Variants in GRIN2A observed in about 807,000 individuals in gnomAD.
GRIN2A encodes glutamate ionotropic receptor NMDA type subunit 2A.
GRIN2A carries 22 observed loss-of-function variants against 113.4 expected under a neutral mutation model. The ratio of observed to expected loss-of-function variants is 0.19; its 90% confidence interval spans 0.14 to 0.28. GRIN2A has a LOEUF of 0.28. Ranked by LOEUF, GRIN2A falls within the 10% of genes least tolerant of loss-of-function variation. GRIN2A has a pLI of 1.00. For missense variants in GRIN2A, 1,502 were observed against 1,887.0 expected (o/e 0.80, Z 3.78); for synonymous variants, 827 against 738.4 (o/e 1.12, Z -1.94).
chr16:10,167,640 C>T (rs1215755458), intron 2 of GRIN2A, among the ~76,000 whole-genome samples: 5 of 152,276 alleles, frequency 3.3e-5, no homozygotes, highest in East Asian at 1.9e-4. Context: ...CGAAGATCTA[C>T]GATGCATTAA....
intron 2 of GRIN2A, among the ~76,000 whole-genome samples, chr16:10,064,830 T>C (rs2047616139): frequency 6.6e-6 from 1 of 152,194 alleles, no homozygotes; most frequent in Non-Finnish European, 1.5e-5. Context: ...GAAATCTCCA[T>C]TGTTTCAGGG....
rs543126341 is a variant in GRIN2A at position 10,115,680 on chromosome 16, G to A, written c.414+64318C>T. 3.9e-5 allele frequency among the ~76,000 whole-genome samples: 6 copies of A among 152,290 alleles called. No homozygotes were observed. In the South Asian group the frequency reaches 1.0e-3, roughly 26 times the overall value. ...ATTCCTGAGACCCAACTTGGCTTCC[G>A]CAACTGTATTCTCAAGCTGAAAACA... is the stretch of plus-strand genomic sequence containing the variant. On this transcript the variant is annotated intron_variant, in intron 2 of 12. Transcript: ENST00000330684.
chr16:9,821,760 G>C (rs1396095478), intron 10 of GRIN2A, among the ~76,000 whole-genome samples: 2 of 152,164 alleles, frequency 1.3e-5, no homozygotes, highest in African/African-American at 4.8e-5. Context: ...AACAGACAGA[G>C]AGGAATGCTA....
At chr16:9,950,798 C>G (rs1332649044) in intron 2 of GRIN2A, among the ~76,000 whole-genome samples, 1 of 152,158 alleles carries the variant, frequency 6.6e-6, no homozygotes, top group Non-Finnish European at 1.5e-5. Context: ...GCCTCCGTGT[C>G]CTAGGCTGTA....
intron 2 of GRIN2A, among the ~76,000 whole-genome samples, chr16:10,047,974 A>AC (rs1208820284): frequency 2.0e-5 from 3 of 152,014 alleles, no homozygotes; most frequent in East Asian, 3.9e-4. Context: ...CCTGCCTGTG[A>AC]CCCCCCTACA....
In GRIN2A at chr16:9,763,205, A is replaced by G. The variant is rs762028580; in HGVS notation, c.4339T>C (p.Ser1447Pro). Residue 1447 changes from serine (S) to proline (P), a missense_variant, in exon 13 of 13, where the codon TCC becomes CCC. Coordinates refer to ENST00000330684, the MANE Select transcript of GRIN2A (RefSeq NM_001134407.3). The stretch of plus-strand genomic sequence containing the variant: ...TTGTACACGCGTCTATTGCTGCAGG[A>G]ATTTAAAACCCTGGGGGTAGAGTAC... ...NMYSTPRVLN[S>P]CSNRRVYKKM... 2 of 1,613,980 alleles carry G rather than the reference A, an allele frequency of 1.2e-6. No homozygotes were observed.
intron 2 of GRIN2A, among the ~76,000 whole-genome samples, chr16:10,001,338 C>A (rs916881580): frequency 5.9e-5 from 9 of 152,168 alleles, no homozygotes; most frequent in African/African-American, 1.9e-4. Context: ...AGGTAGGATT[C>A]ACCTGGTTGC....
intron 3 of GRIN2A, among the ~76,000 whole-genome samples, chr16:9,903,803 A>T (rs2043979933): frequency 6.6e-6 from 1 of 152,206 alleles, no homozygotes; most frequent in African/African-American, 2.4e-5. Context: ...TTAAAAAGAC[A>T]CCTCTTTCTG....
intron 2 of GRIN2A, among the ~76,000 whole-genome samples, chr16:10,039,472 A>G (rs2047100934): frequency 6.6e-6 from 1 of 152,042 alleles, no homozygotes; most frequent in Non-Finnish European, 1.5e-5. Context: ...TGTTTGTTTG[A>G]AAATCGAGAC....
At position 10,079,578 on chromosome 16, in the gene GRIN2A, G is replaced by T. The variant is rs117898371; in HGVS notation, c.414+100420C>A. 6.4e-3 allele frequency among the ~76,000 whole-genome samples: 967 copies of T among 152,272 alleles called. 6 individuals carry two copies. The highest frequency in any genetic ancestry group is 0.011 in the Non-Finnish European group (728 of 68,032). Reference sequence around the variant, plus strand: ...TGATATTCATGCCCTGATAAAAGAGGCTCCAGAGAGATCAACGGCCCCTTC... The same window carrying T: ...TGATATTCATGCCCTGATAAAAGAGTCTCCAGAGAGATCAACGGCCCCTTC... On this transcript the variant is annotated intron_variant, in intron 2 of 12. Transcript: ENST00000330684.
chr16:9,791,521 C>G (rs924823929), intron 11 of GRIN2A, among the ~76,000 whole-genome samples: 13 of 152,180 alleles, frequency 8.5e-5, no homozygotes, highest in Non-Finnish European at 1.9e-4. Flanking sequence ...ACGCCGTCCT[C>G]AGAATGGACA....
chr16:10,182,854 C>T (rs2050295466), upstream of GRIN2A: 1 of 152,398 alleles, frequency 6.6e-6, no homozygotes. Context: ...CCGGAGCACC[C>T]TCTCCGCAAC....
chr16:10,024,478 A>G (rs1028299275), intron 2 of GRIN2A, among the ~76,000 whole-genome samples: 1 of 152,218 alleles, frequency 6.6e-6, no homozygotes. Flanking sequence ...TTGGCCTCCC[A>G]AAGTGCTGGA....
At chr16:10,131,363 A>T (rs370015388) in intron 2 of GRIN2A, among the ~76,000 whole-genome samples, 59 of 152,190 alleles carry the variant, frequency 3.9e-4, no homozygotes, top group African/African-American at 1.3e-3. Flanking sequence ...AGTTACAAAG[A>T]CAAAGCAAAC....
intron 10 of GRIN2A, among the ~76,000 whole-genome samples, chr16:9,810,992 G>C (rs2042076277): frequency 6.6e-6 from 1 of 152,138 alleles, no homozygotes; most frequent in African/African-American, 2.4e-5. Context: ...TGGTCTGAGT[G>C]AGCCCAGTGC....
chr16:10,132,364 G>GAAAAAAAAAAAAAAAAAAAAAAAA (rs1283735383), intron 2 of GRIN2A, among the ~76,000 whole-genome samples: 1 of 96,168 alleles, frequency 1.0e-5, no homozygotes, highest in Non-Finnish European at 2.3e-5. Flanking sequence ...AAAAAGATGT[G>GAAAAAAAAAAAAAAAAAAAAAAAA]AAATAACTTG....
chr16:9,945,217 T>C (rs772315729), intron 2 of GRIN2A, among the ~76,000 whole-genome samples: 1 of 151,998 alleles, frequency 6.6e-6, no homozygotes, highest in Non-Finnish European at 1.5e-5. Context: ...AATGATGTCA[T>C]AGTTCAGGAG....
Position 9,763,308 on chromosome 16 carries a change from A to G in GRIN2A, c.4236T>C (p.Cys1412=). Residue 1412 remains cysteine (C), a synonymous_variant, in exon 13 of 13, where the codon TGT becomes TGC. Coordinates refer to ENST00000330684, the MANE Select transcript of GRIN2A (RefSeq NM_001134407.3). The part of the protein sequence containing the change: ...RSSLRSTASY[C]SRDSRGHNDV... ...CATTGTGGCCCCGACTGTCCCTGGA[A>G]CAGTACGATGCCGTTGACCTCAAGG... is the stretch of plus-strand genomic sequence containing the variant. 1 of 1,614,192 alleles carries G rather than the reference A, an allele frequency of 6.2e-7. No homozygotes were observed. The highest frequency in any genetic ancestry group is 8.5e-7 in the Non-Finnish European group (1 of 1,180,030).
intron 2 of GRIN2A, chr16:10,179,786 C>T (rs2050221546): frequency 1.6e-6 from 1 of 608,620 alleles, no homozygotes; most frequent in East Asian, 2.8e-5. Context: ...CCTGTGTACA[C>T]CATTTTCAGA....
Sources: gnomAD v4.1 joint callset for allele counts (sites outside exome capture counted in the v4.1 genomes callset) on GRCh38, gnomAD v4.1.1 for gene constraint, MANE v1.5 for transcripts, NCBI Gene and HGNC (gene_info 2026-07-23, HGNC 2026-07-21) for gene names.